LOXHD1: variants seen among roughly 807,000 people sequenced by gnomAD.
LOXHD1 encodes the protein lipoxygenase homology domain-containing protein 1.
In LOXHD1, 205 loss-of-function variants were observed where a neutral mutation model predicts 248.2. The ratio of observed to expected loss-of-function variants is 0.83; its 90% CI spans 0.74 to 0.93. The LOEUF (loss-of-function observed/expected upper bound fraction) is 0.93, where lower values mean the gene tolerates loss of function less well. Ranked by LOEUF, LOXHD1 falls within the 40% of genes least tolerant of loss-of-function variation. The pLI is 0.00. For missense variants in LOXHD1, 2,930 were observed against 2,971.6 expected, an observed-to-expected ratio of 0.99 and a Z score of 0.33; for synonymous variants, 1,113 against 1,162.8, an observed-to-expected ratio of 0.96 and a Z score of 0.87.
chr18:46,550,579 C>CAGAAAAA (rs2037055721), intron 21 of LOXHD1, among the ~76,000 whole-genome samples: 1 of 45,468 alleles, frequency 2.2e-5, no homozygotes, highest in Non-Finnish European at 4.2e-5. Flanking sequence ...GACTCCGTCT[C>CAGAAAAA]AAAAAAAAAA....
intron 21 of LOXHD1, among the ~76,000 whole-genome samples, chr18:46,547,455 A>G (rs761910436): frequency 3.9e-5 from 6 of 152,238 alleles, no homozygotes; most frequent in South Asian, 2.1e-4. Flanking sequence ...TGCACAATAC[A>G]TAAGTGTTGA....
chr18:46,544,062 T>C (rs1235539498), intron 23 of LOXHD1, among the ~76,000 whole-genome samples: 1 of 152,238 alleles, frequency 6.6e-6, no homozygotes, highest in Non-Finnish European at 1.5e-5. Context: ...TGCCTCAGGA[T>C]GCACTGCATT....
chr18:46,520,118 C>A (rs549243469), intron 33 of LOXHD1, among the ~76,000 whole-genome samples: 2 of 152,234 alleles, frequency 1.3e-5, no homozygotes, highest in East Asian at 3.9e-4. Flanking sequence ...ATGGAGATGT[C>A]TGGGGGGTAG....
At chr18:46,527,668 T>C (rs1265445759) in intron 29 of LOXHD1, among the ~76,000 whole-genome samples, 1 of 152,206 alleles carries the variant, frequency 6.6e-6, no homozygotes, top group Non-Finnish European at 1.5e-5. Flanking sequence ...TTGACCTTTT[T>C]GGCATTCTAT....
chr18:46,569,364 A>ATG, intron 16 of LOXHD1, 78 bp downstream of exon 16: 1 of 1,211,572 alleles, frequency 8.3e-7, no homozygotes. Context: ...GTGTGGACAT[A>ATG]TGTGTGTGTG....
At chr18:46,653,188 A>G (rs2039134375) in intron 1 of LOXHD1, among the ~76,000 whole-genome samples, 1 of 152,218 alleles carries the variant, frequency 6.6e-6, no homozygotes, top group African/African-American at 2.4e-5. Flanking sequence ...CAGAGGTTGC[A>G]GTGAGGCGAG....
chr18:46,485,218 A>G, intron 38 of LOXHD1, 67 bp from the exon 39 acceptor site: 1 of 1,516,070 alleles, frequency 6.6e-7, no homozygotes, highest in East Asian at 2.5e-5. Flanking sequence ...GGCGGGAGCA[A>G]GAGGGTCACG....
intron 12 of LOXHD1, among the ~76,000 whole-genome samples, chr18:46,585,391 C>A (rs1316118264): frequency 6.6e-6 from 1 of 152,094 alleles, no homozygotes; most frequent in Non-Finnish European, 1.5e-5. Context: ...TATTTCTATT[C>A]TTTTGCAATG....
At chr18:46,517,129 TTAA>T (rs1329844851) in intron 34 of LOXHD1, among the ~76,000 whole-genome samples, 1 of 152,164 alleles carries the variant, frequency 6.6e-6, no homozygotes, top group Non-Finnish European at 1.5e-5. Flanking sequence ...TTTTAAAATG[TTAA>T]GCTTAGGATC....
chr18:46,538,359 C>A lies in LOXHD1; in HGVS notation c.3914-22G>T, dbSNP rs549123672. ...ACAACTGAGGGTGGTGGTCAGAGGG[C>A]AAAGCCAGAGTGGATGAGAGAACAG... On this transcript the variant is annotated intron_variant, in intron 25 of 40. Coordinates refer to ENST00000642948, the MANE Select transcript of LOXHD1 (RefSeq NM_001384474.1). 4.0e-5 allele frequency: 62 copies of A among 1,537,728 alleles called. No homozygotes were observed. The South Asian group carries it at 7.2e-4, about 18-fold the overall frequency.
intron 4 of LOXHD1, among the ~76,000 whole-genome samples, chr18:46,628,902 G>A (rs2038782081): frequency 6.6e-6 from 1 of 152,218 alleles, no homozygotes; most frequent in Admixed American, 6.5e-5. Flanking sequence ...GCTCATGCTA[G>A]CATAAGTGGC....
chr18:46,587,772 AGAACACGGATC>A (rs1340937387), intron 12 of LOXHD1, among the ~76,000 whole-genome samples: 1 of 152,162 alleles, frequency 6.6e-6, no homozygotes, highest in Non-Finnish European at 1.5e-5. Context: ...AGTACAGTGG[AGAACACGGATC>A]TCATTTATTT....
chr18:46,569,407 G>C lies in LOXHD1; in HGVS notation c.2244+35C>G, dbSNP rs1055966871. On this transcript the variant is annotated intron_variant, in intron 16 of 40. Coordinates refer to ENST00000642948, the MANE Select transcript of LOXHD1 (RefSeq NM_001384474.1). The stretch of plus-strand genomic sequence containing the variant: ...GTGAATGTGTGTTCGGAAATGGGTG[G>C]GATGATGTCACATGGTCTTGGGAAG... The C allele has an allele frequency of 4.6e-6, 7 of 1,527,992 alleles. No individual in the cohort carries two copies. The Admixed American group carries it at 9.8e-5, about 21-fold the overall frequency. The allele number at this position is 1,527,992 out of a possible 1,614,324, so 94.7% of individuals were successfully genotyped here. A position where few individuals can be genotyped will look rare whatever the true frequency, so the allele number is the denominator to read the frequency against.
At chr18:46,643,215 A>AC (rs1003074108) in intron 2 of LOXHD1, among the ~76,000 whole-genome samples, 2 of 152,040 alleles carry the variant, frequency 1.3e-5, no homozygotes, top group African/African-American at 4.8e-5. Flanking sequence ...GGGAAAAGAG[A>AC]CCCCCACAGG....
chr18:46,564,095 T>A (rs28670126), intron 17 of LOXHD1, among the ~76,000 whole-genome samples: 6,143 of 97,886 alleles, frequency 0.063, 284 homozygotes, highest in African/African-American at 0.17. Flanking sequence ...AGAGAGAGAG[T>A]GTGTGTGTGT....
rs1242095531 is a variant in LOXHD1 at position 46,601,341 on chromosome 18, C to A, written c.1010G>T (p.Gly337Val). The change falls in exon 8 of 41, where the codon GGC (glycine) becomes GTC (valine). Residue 337 changes from glycine (G) to valine (V), a missense_variant. Gly to Val is a moderately radical substitution (Grantham distance 109, BLOSUM62 -3). Coordinates refer to ENST00000642948, the MANE Select transcript of LOXHD1 (RefSeq NM_001384474.1). ...GTCCGTGCGGCCTCGGTCAAACACG[C>A]CGCCCTCCAGGAAGATTTTCCCACT... is the stretch of plus-strand genomic sequence containing the variant. Reference protein sequence around the residue: ...KNSGKIFLEGGVFDRGRTDIF... With the variant: ...KNSGKIFLEGVVFDRGRTDIF... 1.3e-6 allele frequency: 2 copies of A among 1,551,686 alleles called. No homozygotes were observed. The highest frequency in any genetic ancestry group is 8.7e-7 in the Non-Finnish European group (1 of 1,146,996).
At chr18:46,496,279 T>G (rs998330336) in intron 37 of LOXHD1, among the ~76,000 whole-genome samples, 2 of 152,228 alleles carry the variant, frequency 1.3e-5, no homozygotes, top group Non-Finnish European at 2.9e-5. Context: ...ACTATTAATC[T>G]TCACTTTTGC....
intron 40 of LOXHD1, among the ~76,000 whole-genome samples, chr18:46,479,771 A>C (rs201615948): frequency 0.14 from 21,778 of 150,590 alleles, 2,405 homozygotes; most frequent in East Asian, 0.65. Flanking sequence ...CAGAAAAAAA[A>C]AAAAACAAAA....
At chr18:46,561,792 G>A (rs2037535090) in intron 18 of LOXHD1, among the ~76,000 whole-genome samples, 1 of 152,208 alleles carries the variant, frequency 6.6e-6, no homozygotes, top group Non-Finnish European at 1.5e-5. Flanking sequence ...AGCTACTTAG[G>A]AGAAAGGCTC....
Sources: allele counts gnomAD v4.1 joint callset (sites outside exome capture counted in the v4.1 genomes callset), GRCh38; gene constraint gnomAD v4.1.1; transcripts MANE v1.5; gene names NCBI Gene and HGNC (gene_info 2026-07-23, HGNC 2026-07-21).